CDH7: variants seen among roughly 807,000 people sequenced by gnomAD.
CDH7 encodes the protein cadherin-7.
CDH7 carries 25 observed loss-of-function variants against 71.8 expected under a neutral mutation model. The ratio of observed to expected loss-of-function variants is 0.35; its 90% confidence interval spans 0.25 to 0.49. The LOEUF is 0.49. CDH7 is among the 20% of genes least tolerant of loss of function. CDH7 has a pLI of 0.99. For synonymous variants in CDH7, 381 were observed against 363.8 expected (o/e 1.05, Z -0.54); for missense variants, 862 against 974.6 (o/e 0.88, Z 1.54).
At chr18:65,806,537 A>T (rs1240302818) in intron 2 of CDH7, among the ~76,000 whole-genome samples, 1 of 152,052 alleles carries the variant, frequency 6.6e-6, no homozygotes, top group Non-Finnish European at 1.5e-5. Context: ...TATTTTGTTT[A>T]TGTACTTATT....
intron 11 of CDH7, among the ~76,000 whole-genome samples, chr18:65,867,846 A>C (rs1913811461): frequency 6.6e-6 from 1 of 152,150 alleles, no homozygotes; most frequent in South Asian, 2.1e-4. Flanking sequence ...GTTTGTAGAA[A>C]CTTGCTGTTT....
At chr18:65,765,283 A>G (rs1916320675) in intron 2 of CDH7, among the ~76,000 whole-genome samples, 1 of 152,056 alleles carries the variant, frequency 6.6e-6, no homozygotes, top group South Asian at 2.1e-4. Flanking sequence ...AACAATTTTC[A>G]TATATCCTTG....
intron 1 of CDH7, among the ~76,000 whole-genome samples, chr18:65,752,043 G>A (rs1194108077): frequency 6.6e-6 from 1 of 152,178 alleles, no homozygotes; most frequent in Non-Finnish European, 1.5e-5. Flanking sequence ...CAAGGCTTTG[G>A]AGATCTGCAA....
Position 65,762,870 on chromosome 18 carries a change from C to G in CDH7, c.28C>G (p.His10Asp). 6.2e-7 allele frequency: 1 copy of G among 1,612,704 alleles called. No individual in the cohort carries two copies. Among genetic ancestry groups the G allele is most frequent in the East Asian group, 2.2e-5 (1 of 44,858 alleles). Residue 10 changes from histidine (H) to aspartate (D), a missense_variant, in exon 2 of 12, where the codon CAT (histidine) becomes GAT (aspartate). Physicochemically the swap from His to Asp is moderately conservative, Grantham distance 81. Coordinates refer to ENST00000397968, the MANE Select transcript of CDH7 (RefSeq NM_004361.5). Reference sequence around the variant, plus strand: ...GAAGTTGGGCAAAGTGGAGTTCTGCCATTTTCTGCAGCTAATAGCTCTTTT... The same window carrying G: ...GAAGTTGGGCAAAGTGGAGTTCTGCGATTTTCTGCAGCTAATAGCTCTTTT... The part of the protein sequence containing the change: MKLGKVEFC[H>D]FLQLIALFLC...
intron 11 of CDH7, among the ~76,000 whole-genome samples, chr18:65,874,014 C>A (rs1020639524): frequency 2.6e-5 from 4 of 152,086 alleles, no homozygotes; most frequent in South Asian, 2.1e-4. Context: ...CTTATTAATC[C>A]ATTTATCAAA....
chr18:65,868,026 T>C (rs1020887412), intron 11 of CDH7, among the ~76,000 whole-genome samples: 1 of 151,426 alleles, frequency 6.6e-6, no homozygotes, highest in Non-Finnish European at 1.5e-5. Flanking sequence ...TGCTTTCTTG[T>C]TTTTGCAAAT....
At chr18:65,780,266 C>G (rs1233801123) in intron 2 of CDH7, among the ~76,000 whole-genome samples, 2 of 118,046 alleles carry the variant, frequency 1.7e-5, no homozygotes, top group African/African-American at 3.8e-5. Flanking sequence ...CCTGTTCACT[C>G]TGATGGTAGT....
intron 1 of CDH7, among the ~76,000 whole-genome samples, chr18:65,751,977 C>A (rs1915894369): frequency 6.6e-6 from 1 of 152,192 alleles, no homozygotes; most frequent in Non-Finnish European, 1.5e-5. Flanking sequence ...GCAATGAGTT[C>A]ACCCAGCACT....
chr18:65,812,457 A>C (rs1911578997), intron 3 of CDH7, among the ~76,000 whole-genome samples: 1 of 152,246 alleles, frequency 6.6e-6, no homozygotes, highest in African/African-American at 2.4e-5. Flanking sequence ...ATGGGCTTAC[A>C]GTTTATCAAA....
chr18:65,790,196 G>A (rs979846220), intron 2 of CDH7, among the ~76,000 whole-genome samples: 4 of 138,516 alleles, frequency 2.9e-5, no homozygotes, highest in African/African-American at 1.1e-4. Flanking sequence ...ACTCCAGCCT[G>A]GGTGACAGAG....
chr18:65,772,849 G>A (rs1454538013), intron 2 of CDH7, among the ~76,000 whole-genome samples: 2 of 152,058 alleles, frequency 1.3e-5, no homozygotes, highest in African/African-American at 4.8e-5. Flanking sequence ...TCAGGGTTAG[G>A]GTCAGAGGAG....
chr18:65,868,094 A>G (rs964472411), intron 11 of CDH7, among the ~76,000 whole-genome samples: 1 of 152,162 alleles, frequency 6.6e-6, no homozygotes, highest in African/African-American at 2.4e-5. Flanking sequence ...ATGTAAAAAA[A>G]TGGATCCCCA....
intron 2 of CDH7, among the ~76,000 whole-genome samples, chr18:65,807,727 T>C (rs1278014666): frequency 6.6e-6 from 1 of 152,220 alleles, no homozygotes; most frequent in Non-Finnish European, 1.5e-5. Context: ...GTCAAGTCTT[T>C]TGCTATGTGC....
chr18:65,761,178 A>C (rs966744329), intron 1 of CDH7, among the ~76,000 whole-genome samples: 2 of 152,164 alleles, frequency 1.3e-5, no homozygotes, highest in Admixed American at 6.6e-5. Context: ...GCTTTTCCTT[A>C]AATGCCCTCT....
At chr18:65,860,611 T>C (rs1407325882) in intron 10 of CDH7, among the ~76,000 whole-genome samples, 1 of 152,178 alleles carries the variant, frequency 6.6e-6, no homozygotes, top group African/African-American at 2.4e-5. Context: ...TTGAAACTGA[T>C]GTAGAGGGTG....
Position 65,762,837 on chromosome 18 carries a change from A to AAAAAG in CDH7, c.-4_1dup. 2 of 1,599,328 alleles carry AAAAAG rather than the reference A, an allele frequency of 1.3e-6. No homozygotes were observed. The highest frequency in any genetic ancestry group is 1.7e-6 in the Non-Finnish European group (2 of 1,175,692). ...CTTACACAGGAAAAAGAAAGAAAAA[A>AAAAAG]AAAAGATGAAGTTGGGCAAAGTGGA... is the stretch of plus-strand genomic sequence containing the variant. On this transcript the variant is annotated 5_prime_UTR_variant, in exon 2 of 12. Transcript: ENST00000397968.
At position 65,886,173 on chromosome 18, in the gene CDH7, G is replaced by T. The variant is rs1236701538; in HGVS notation, c.*5279G>T. 2.0e-5 allele frequency: 3 copies of T among 152,048 alleles called. No individual in the cohort carries two copies. The highest frequency in any genetic ancestry group is 4.1e-4 in the South Asian group (2 of 4,824). 9.4% of individuals were successfully genotyped at this position (152,048 alleles called of 1,614,324 possible). A position where few individuals can be genotyped will look rare whatever the true frequency, so the allele number is the denominator to read the frequency against. On this transcript the variant is annotated 3_prime_UTR_variant, in exon 12 of 12. Coordinates refer to ENST00000397968, the MANE Select transcript of CDH7 (RefSeq NM_004361.5). ...AGTTAATTACTATTGTGTTTCAGAG[G>T]CTTGTGAATGATTAAGTGAAAGACT...
At chr18:65,763,951 C>T (rs1916279809) in intron 2 of CDH7, among the ~76,000 whole-genome samples, 1 of 151,960 alleles carries the variant, frequency 6.6e-6, no homozygotes, top group Non-Finnish European at 1.5e-5. Flanking sequence ...CTGAATTTCT[C>T]AATTTGGTAC....
chr18:65,805,556 T>A (rs920027340), intron 2 of CDH7, among the ~76,000 whole-genome samples: 6 of 152,236 alleles, frequency 3.9e-5, no homozygotes, highest in African/African-American at 1.4e-4. Context: ...AAATGTTCCA[T>A]TCACTTTGAA....
Sources: gnomAD v4.1 joint callset for allele counts (sites outside exome capture counted in the v4.1 genomes callset) on GRCh38, gnomAD v4.1.1 for gene constraint, MANE v1.5 for transcripts, NCBI Gene and HGNC (gene_info 2026-07-23, HGNC 2026-07-21) for gene names.